Variants in PAQR8 observed in about 807,000 individuals in gnomAD.
PAQR8 encodes the protein membrane progestin receptor beta.
In PAQR8, 17 loss-of-function variants were observed where a neutral mutation model predicts 25.2. That is an observed-to-expected ratio of 0.67 (90% confidence interval 0.46 to 1.01). PAQR8 has a LOEUF of 1.01. PAQR8 is among the 50% of genes least tolerant of loss of function. The probability of loss-of-function intolerance (pLI) is 0.00; values close to 1 mark genes in which losing one functional copy is unlikely to be tolerated. For synonymous variants in PAQR8, 204 were observed against 190.6 expected, an observed-to-expected ratio of 1.07 and a Z score of -0.58; for missense variants, 392 against 448.4, an observed-to-expected ratio of 0.87 and a Z score of 1.14.
At chr6:52,375,355 T>C (rs1330523986) in intron 1 of PAQR8, among the ~76,000 whole-genome samples, 2 of 152,198 alleles carry the variant, frequency 1.3e-5, no homozygotes, top group Non-Finnish European at 2.9e-5. Context: ...ATAAGTAGTC[T>C]ATAAAGCCCT....
chr6:52,366,122 G>A (rs145558042), intron 1 of PAQR8, among the ~76,000 whole-genome samples: 106 of 151,638 alleles, frequency 7.0e-4, no homozygotes, highest in African/African-American at 2.4e-3. Flanking sequence ...CAGCTCTTCT[G>A]TAAATGTCAA....
intron 1 of PAQR8, among the ~76,000 whole-genome samples, chr6:52,370,252 G>T (rs771455303): frequency 6.6e-6 from 1 of 151,966 alleles, no homozygotes; most frequent in Admixed American, 6.6e-5. Flanking sequence ...AGTCTAACTC[G>T]GACACTTGGG....
intron 1 of PAQR8, among the ~76,000 whole-genome samples, chr6:52,394,330 CGT>C (rs1454979936): frequency 6.6e-6 from 1 of 152,142 alleles, no homozygotes. Flanking sequence ...TCACCAAAAA[CGT>C]GTCATTTCAT....
intron 1 of PAQR8, among the ~76,000 whole-genome samples, chr6:52,376,904 T>C (rs1482057138): frequency 6.6e-6 from 1 of 152,176 alleles, no homozygotes; most frequent in Non-Finnish European, 1.5e-5. Flanking sequence ...CAGTAGATAC[T>C]ATAATCCTTT....
rs756977516 is a variant in PAQR8, at chr6:52,403,722, C to T, written c.509C>T (p.Ala170Val). ...LAHFFYSSDQAWYDRFWLFFL... is the reference protein window; with the variant it reads ...LAHFFYSSDQVWYDRFWLFFL... ...CATTTCTTCTACAGCTCTGACCAGG[C>T]CTGGTATGACCGGTTCTGGCTTTTC... Residue 170 changes from alanine (A) to valine (V), a missense_variant, in exon 2 of 2, where the codon GCC becomes GTC. Coordinates refer to ENST00000442253, the MANE Select transcript of PAQR8 (RefSeq NM_133367.5). 30 of 1,614,146 alleles carry T rather than the reference C, an allele frequency of 1.9e-5. No individual in the cohort carries two copies. Among genetic ancestry groups the T allele is most frequent in the Non-Finnish European group, 2.4e-5 (28 of 1,180,060 alleles).
At chr6:52,374,545 G>A (rs892521517) in intron 1 of PAQR8, among the ~76,000 whole-genome samples, 4 of 152,060 alleles carry the variant, frequency 2.6e-5, no homozygotes, top group African/African-American at 9.7e-5. Context: ...TTGTTATTAG[G>A]TAGGATTACA....
intron 1 of PAQR8, among the ~76,000 whole-genome samples, chr6:52,375,127 G>A (rs188791836): frequency 6.6e-6 from 1 of 152,186 alleles, no homozygotes; most frequent in Admixed American, 6.5e-5. Flanking sequence ...GTCTATAGTA[G>A]AGTCAGCTCG....
Position 52,406,694 on chromosome 6 carries a change from C to T in PAQR8, c.*2416C>T, listed in dbSNP as rs1442188923. 2.5e-6 allele frequency: 1 copy of T among 403,596 alleles called. No homozygotes were observed. 25.0% of individuals were successfully genotyped at this position (403,596 alleles called of 1,614,324 possible). On this transcript the variant is annotated 3_prime_UTR_variant, in exon 2 of 2. Transcript: ENST00000442253. ...CCTCCCACCTCAGCCTCCTAAGTAC[C>T]TGGTACTACAGGCGCGTGCCACCAC... is the stretch of plus-strand genomic sequence containing the variant.
At chr6:52,403,121 G>T (rs1763855576) in intron 1 of PAQR8, 41 bp from the exon 2 acceptor site, 2 of 1,035,466 alleles carry the variant, frequency 1.9e-6, no homozygotes, top group East Asian at 2.6e-5. Context: ...CTGCATTCGT[G>T]TCTCACTGCG....
chr6:52,395,851 C>CT (rs200706423), intron 1 of PAQR8, among the ~76,000 whole-genome samples: 2,184 of 152,212 alleles, frequency 0.014, 31 homozygotes, highest in South Asian at 0.068. Flanking sequence ...CCCACCCACC[C>CT]TTTTTTATGA....
chr6:52,397,205 C>T (rs1385626528), intron 1 of PAQR8, among the ~76,000 whole-genome samples: 1 of 152,172 alleles, frequency 6.6e-6, no homozygotes, highest in African/African-American at 2.4e-5. Context: ...TCCTCTGTAA[C>T]ATCAAACCTA....
At chr6:52,383,161 C>G (rs1763583440) in intron 1 of PAQR8, among the ~76,000 whole-genome samples, 1 of 152,224 alleles carries the variant, frequency 6.6e-6, no homozygotes, top group Non-Finnish European at 1.5e-5. Context: ...ATACTATGTA[C>G]ATATCTATTT....
Position 52,404,563 on chromosome 6 carries a change from T to A in PAQR8, c.*285T>A. 3.4e-6 allele frequency: 1 copy of A among 295,054 alleles called. No individual in the cohort carries two copies. Among genetic ancestry groups the A allele is most frequent in the Non-Finnish European group, 6.7e-6 (1 of 148,722 alleles). 18.3% of individuals were successfully genotyped at this position (295,054 alleles called of 1,614,324 possible). A position where few individuals can be genotyped will look rare whatever the true frequency, so the allele number is the denominator to read the frequency against. On this transcript the variant is annotated 3_prime_UTR_variant, in exon 2 of 2. Coordinates refer to ENST00000442253, the MANE Select transcript of PAQR8 (RefSeq NM_133367.5). The stretch of plus-strand genomic sequence containing the variant: ...AATTAAGGAGAATCATCTTCATGCC[T>A]GAAAATTTAGCAAAATTCCGACTAT...
intron 1 of PAQR8, among the ~76,000 whole-genome samples, chr6:52,365,817 G>C (rs1279860089): frequency 2.0e-5 from 3 of 152,000 alleles, no homozygotes; most frequent in Non-Finnish European, 4.4e-5. Context: ...AGTGCTCCCA[G>C]TTACTTTCTT....
chr6:52,396,723 A>G (rs1763771148), intron 1 of PAQR8, among the ~76,000 whole-genome samples: 1 of 152,190 alleles, frequency 6.6e-6, no homozygotes, highest in South Asian at 2.1e-4. Context: ...AGAAATGGAA[A>G]GGGCAAATGG....
intron 1 of PAQR8, among the ~76,000 whole-genome samples, chr6:52,380,890 T>A (rs969345507): frequency 2.6e-5 from 4 of 152,236 alleles, no homozygotes; most frequent in Non-Finnish European, 5.9e-5. Context: ...GCCAATACTT[T>A]GTACTCACGA....
Position 52,403,836 on chromosome 6 carries a change from T to C in PAQR8, c.623T>C (p.Met208Thr). The change falls in exon 2 of 2, where the codon ATG becomes ACG. Residue 208 changes from methionine to threonine, a missense_variant. By Grantham distance (81) the Met-to-Thr change is moderately conservative. Transcript: ENST00000442253. ...KYRYRRPYPV[M>T]RKICQVVPAG... ...CGTTACCGGAGGCCTTATCCAGTCA[T>C]GAGGAAGATCTGTCAAGTGGTGCCA... 1.9e-6 allele frequency: 3 copies of C among 1,614,222 alleles called. No homozygotes were observed. The highest frequency in any genetic ancestry group is 2.5e-6 in the Non-Finnish European group (3 of 1,180,024).
At chr6:52,390,931 A>T (rs186003618) in intron 1 of PAQR8, among the ~76,000 whole-genome samples, 1 of 152,332 alleles carries the variant, frequency 6.6e-6, no homozygotes, top group Admixed American at 6.5e-5. Context: ...AAATATTCCT[A>T]TTTGCAGAGT....
At chr6:52,398,859 A>AGG (rs1382956102) in intron 1 of PAQR8, among the ~76,000 whole-genome samples, 3 of 152,084 alleles carry the variant, frequency 2.0e-5, no homozygotes, top group Admixed American at 6.5e-5. Context: ...CTGGCTGGGA[A>AGG]ATTTAAGCCC....
Sources: allele counts gnomAD v4.1 joint callset (sites outside exome capture counted in the v4.1 genomes callset), GRCh38; gene constraint gnomAD v4.1.1; transcripts MANE v1.5; gene names NCBI Gene and HGNC (gene_info 2026-07-23, HGNC 2026-07-21).